GUCY1A2: variants seen among roughly 807,000 people sequenced by gnomAD.
The protein encoded by GUCY1A2 is guanylate cyclase soluble subunit alpha-2.
A neutral mutation model predicts 63.5 loss-of-function variants in GUCY1A2; 27 were observed. The ratio of observed to expected loss-of-function variants is 0.43; its 90% CI spans 0.31 to 0.59. GUCY1A2 has a LOEUF of 0.59. GUCY1A2 is among the 20% of genes least tolerant of loss of function. The pLI, the probability that GUCY1A2 is intolerant of heterozygous loss-of-function variation, is 0.11. For missense variants in GUCY1A2, 768 were observed against 913.3 expected, an observed-to-expected ratio of 0.84 and a Z score of 2.05; for synonymous variants, 364 against 343.5, an observed-to-expected ratio of 1.06 and a Z score of -0.66.
chr11:107,008,906 G>A (rs548671471), intron 1 of GUCY1A2, among the ~76,000 whole-genome samples: 52 of 152,330 alleles, frequency 3.4e-4, no homozygotes, highest in African/African-American at 1.2e-3. Context: ...GGATGTTTTA[G>A]AACATTCTGA....
At chr11:106,790,417 C>A (rs1864637589) in intron 5 of GUCY1A2, among the ~76,000 whole-genome samples, 1 of 151,990 alleles carries the variant, frequency 6.6e-6, no homozygotes, top group African/African-American at 2.4e-5. Context: ...CAGGGCAGGT[C>A]CAGAAATGCT....
intron 4 of GUCY1A2, among the ~76,000 whole-genome samples, chr11:106,881,514 T>G (rs1859823182): frequency 6.6e-6 from 1 of 152,056 alleles, no homozygotes; most frequent in African/African-American, 2.4e-5. Context: ...TAAAAATTTA[T>G]TACATATGAA....
chr11:106,939,426 G>T, intron 4 of GUCY1A2, 34 bp downstream of exon 4: 4 of 1,039,098 alleles, frequency 3.8e-6, no homozygotes, highest in South Asian at 2.8e-5. Context: ...CACTCTTCTA[G>T]TTCCCATCAC....
chr11:106,733,264 T>A (rs1279377232), intron 6 of GUCY1A2, among the ~76,000 whole-genome samples: 1 of 152,186 alleles, frequency 6.6e-6, no homozygotes, highest in Non-Finnish European at 1.5e-5. Flanking sequence ...TAAACATATA[T>A]GTGTGCTCTG....
chr11:106,711,651 G>C (rs1268068750), intron 6 of GUCY1A2, among the ~76,000 whole-genome samples: 1 of 151,996 alleles, frequency 6.6e-6, no homozygotes, highest in Non-Finnish European at 1.5e-5. Flanking sequence ...TCATTTCTTT[G>C]TGTAGATCCA....
chr11:106,869,268 T>G (rs1437085175), intron 4 of GUCY1A2, among the ~76,000 whole-genome samples: 1 of 152,082 alleles, frequency 6.6e-6, no homozygotes, highest in Non-Finnish European at 1.5e-5. Flanking sequence ...GGGATCTAAT[T>G]AAACTAAAGA....
intron 4 of GUCY1A2, among the ~76,000 whole-genome samples, chr11:106,873,892 G>A (rs116586094): frequency 6.6e-6 from 1 of 152,098 alleles, no homozygotes; most frequent in East Asian, 1.9e-4. Context: ...TATCCAAATT[G>A]TCTATGAACT....
intron 5 of GUCY1A2, among the ~76,000 whole-genome samples, chr11:106,780,683 A>T (rs537832104): frequency 2.6e-5 from 4 of 152,376 alleles, no homozygotes; most frequent in African/African-American, 9.6e-5. Flanking sequence ...AGAATGGGAA[A>T]TGCCAAACTA....
chr11:106,888,810 C>CA lies in GUCY1A2; in HGVS notation c.1206+50649dup, dbSNP rs1859936153. On this transcript the variant is annotated intron_variant, in intron 4 of 7. Transcript: ENST00000526355. ...CAATCTGATTTCCTTTCCAATTAGA[C>CA]ATCTTGATGTATCCTCCTACTTTGG... 2.0e-5 allele frequency among the ~76,000 whole-genome samples: 3 copies of CA among 152,300 alleles called. No homozygotes were observed. The South Asian group carries it at 6.2e-4, about 32-fold the overall frequency.
At chr11:106,937,231 T>G (rs956397482) in intron 4 of GUCY1A2, among the ~76,000 whole-genome samples, 2 of 152,206 alleles carry the variant, frequency 1.3e-5, no homozygotes, top group Non-Finnish European at 2.9e-5. Flanking sequence ...ATTTTTAAAC[T>G]GCCACTAACA....
At chr11:106,964,056 TAC>T (rs1192662732) in intron 3 of GUCY1A2, among the ~76,000 whole-genome samples, 1 of 151,108 alleles carries the variant, frequency 6.6e-6, no homozygotes, top group Non-Finnish European at 1.5e-5. Flanking sequence ...TACACACGTA[TAC>T]ACACACACAC....
At chr11:106,882,928 C>T (rs1859845921) in intron 4 of GUCY1A2, among the ~76,000 whole-genome samples, 1 of 152,022 alleles carries the variant, frequency 6.6e-6, no homozygotes, top group African/African-American at 2.4e-5. Context: ...TTCCTCATCC[C>T]ATCATTCAGA....
At chr11:106,729,502 G>A (rs1299630411) in intron 6 of GUCY1A2, among the ~76,000 whole-genome samples, 1 of 152,082 alleles carries the variant, frequency 6.6e-6, no homozygotes, top group East Asian at 1.9e-4. Context: ...TAGGGACTAT[G>A]TCTTGCTGAG....
intron 4 of GUCY1A2, among the ~76,000 whole-genome samples, chr11:106,825,607 C>T (rs1237779670): frequency 6.6e-6 from 1 of 151,282 alleles, no homozygotes; most frequent in Non-Finnish European, 1.5e-5. Flanking sequence ...TTTTTGAAAG[C>T]AATATTACAC....
At chr11:106,878,925 A>C (rs1265593497) in intron 4 of GUCY1A2, among the ~76,000 whole-genome samples, 1 of 152,026 alleles carries the variant, frequency 6.6e-6, no homozygotes, top group Non-Finnish European at 1.5e-5. Context: ...ACAGAACAAT[A>C]AGATAATTTG....
chr11:106,683,472 T>C lies in GUCY1A2; in HGVS notation c.*4077A>G, dbSNP rs1268837729. 7 of 227,330 alleles carry C rather than the reference T, an allele frequency of 3.1e-5. No individual in the cohort carries two copies. The highest frequency in any genetic ancestry group is 8.9e-5 in the African/African-American group (4 of 45,048). 14.1% of individuals were successfully genotyped at this position (227,330 alleles called of 1,614,324 possible). On this transcript the variant is annotated 3_prime_UTR_variant, in exon 8 of 8. Transcript: ENST00000526355. ...AGGGTGAAGCTGCAGATATAATCAA[T>C]GCCCCGGCACATCCAGTTCATTACT...
At chr11:106,957,847 G>T (rs1007227283) in intron 3 of GUCY1A2, among the ~76,000 whole-genome samples, 1 of 127,268 alleles carries the variant, frequency 7.9e-6, no homozygotes, top group Non-Finnish European at 1.6e-5. Context: ...TCTGAGCAAA[G>T]GGACAAACTT....
chr11:106,948,626 T>A, intron 3 of GUCY1A2, among the ~76,000 whole-genome samples: 1 of 152,184 alleles, frequency 6.6e-6, no homozygotes, highest in East Asian at 1.9e-4. Context: ...ATGCTTGCTA[T>A]CATCGTTTTC....
At chr11:106,780,417 G>T (rs1864437436) in intron 5 of GUCY1A2, among the ~76,000 whole-genome samples, 1 of 152,158 alleles carries the variant, frequency 6.6e-6, no homozygotes, top group Non-Finnish European at 1.5e-5. Flanking sequence ...TAGCAACAGT[G>T]TATTTCTCAT....
Sources: gnomAD v4.1 joint callset for allele counts (sites outside exome capture counted in the v4.1 genomes callset) on GRCh38, gnomAD v4.1.1 for gene constraint, MANE v1.5 for transcripts, NCBI Gene and HGNC (gene_info 2026-07-23, HGNC 2026-07-21) for gene names.